Variants in NRG3 observed in about 807,000 individuals in gnomAD.
The protein encoded by NRG3 is pro-neuregulin-3, membrane-bound isoform.
In NRG3, 31 loss-of-function variants were observed where a neutral mutation model predicts 66.9. The ratio of observed to expected loss-of-function variants is 0.46; its 90% CI spans 0.35 to 0.63. The LOEUF is 0.63. NRG3 is among the 20% of genes least tolerant of loss of function. NRG3 has a pLI of 0.00. For synonymous variants in NRG3, 393 were observed against 359.4 expected (o/e 1.09, Z -1.06); for missense variants, 910 against 878.9 (o/e 1.04, Z -0.45).
At chr10:82,312,287 T>A (rs1348319919) in intron 1 of NRG3, among the ~76,000 whole-genome samples, 1 of 152,172 alleles carries the variant, frequency 6.6e-6, no homozygotes, top group East Asian at 1.9e-4. Context: ...AAGAGGCCAT[T>A]GAAGGCATAC....
intron 1 of NRG3, among the ~76,000 whole-genome samples, chr10:82,290,232 A>G (rs2079647683): frequency 6.6e-6 from 1 of 152,190 alleles, no homozygotes; most frequent in Non-Finnish European, 1.5e-5. Context: ...GGTCAGCCTG[A>G]AGCCTCACTG....
chr10:82,449,228 T>C (rs1268913913), intron 2 of NRG3, among the ~76,000 whole-genome samples: 3 of 152,106 alleles, frequency 2.0e-5, no homozygotes, highest in African/African-American at 7.2e-5. Flanking sequence ...TCCCTGGTAG[T>C]AGAGGAAGTT....
intron 1 of NRG3, among the ~76,000 whole-genome samples, chr10:82,133,016 TTCA>T (rs1018893858): frequency 6.6e-6 from 1 of 152,026 alleles, no homozygotes; most frequent in African/African-American, 2.4e-5. Flanking sequence ...AAAAATCAAC[TTCA>T]TTTTGTTGAT....
chr10:82,404,038 TA>T (rs149220528), intron 2 of NRG3, among the ~76,000 whole-genome samples: 4,252 of 152,294 alleles, frequency 0.028, 88 homozygotes, highest in South Asian at 0.047. Flanking sequence ...ATTGGAATTA[TA>T]CTAACTTCTA....
At position 82,775,344 on chromosome 10, in the gene NRG3, T is replaced by C. The variant is rs190349840; in HGVS notation, c.1027+36694T>C. Among the ~76,000 whole-genome samples the C allele has an allele frequency of 3.7e-4, 57 of 152,228 alleles. No individual in the cohort carries two copies. The East Asian group carries it at 0.011, about 29-fold the overall frequency. ...GACTCAATAATTTTTTGTTAAATTC[T>C]CTTTTGATTTGTTCTTTGACCAATT... On this transcript the variant is annotated intron_variant, in intron 3 of 8. Transcript: ENST00000372141.
At chr10:82,329,295 A>T (rs1422735203) in intron 1 of NRG3, among the ~76,000 whole-genome samples, 1 of 152,108 alleles carries the variant, frequency 6.6e-6, no homozygotes, top group East Asian at 1.9e-4. Flanking sequence ...TCTTTTATAA[A>T]AATCTCACTT....
At chr10:82,196,248 G>A (rs2074441196) in intron 1 of NRG3, among the ~76,000 whole-genome samples, 1 of 152,170 alleles carries the variant, frequency 6.6e-6, no homozygotes, top group Non-Finnish European at 1.5e-5. Context: ...ATAGATGACA[G>A]TTTTTAAACA....
intron 1 of NRG3, among the ~76,000 whole-genome samples, chr10:82,109,039 G>T (rs554037753): frequency 1.3e-5 from 2 of 152,274 alleles, no homozygotes; most frequent in Admixed American, 1.3e-4. Context: ...ATTCACCAGG[G>T]TATACCTAGG....
intron 2 of NRG3, among the ~76,000 whole-genome samples, chr10:82,454,612 A>T (rs1038586582): frequency 4.6e-5 from 7 of 152,164 alleles, no homozygotes; most frequent in South Asian, 4.1e-4. Flanking sequence ...AGATAAAAAA[A>T]GTTAGTTCTT....
chr10:82,737,467 A>G (rs1348483673), intron 2 of NRG3, among the ~76,000 whole-genome samples: 1 of 152,210 alleles, frequency 6.6e-6, no homozygotes. Flanking sequence ...CTCTTGACAG[A>G]ACGGCCTCTT....
intron 2 of NRG3, among the ~76,000 whole-genome samples, chr10:82,613,660 T>C (rs1377881534): frequency 6.6e-6 from 1 of 151,858 alleles, no homozygotes; most frequent in African/African-American, 2.4e-5. Flanking sequence ...AAACATATTT[T>C]AAAGTGCCAT....
rs186839677 is a variant in NRG3, at chr10:82,479,893, G to A, written c.953+121025G>A. Among the ~76,000 whole-genome samples the A allele has an allele frequency of 2.5e-3, 385 of 152,272 alleles. 2 individuals carry two copies. Among genetic ancestry groups the A allele is most frequent in the African/African-American group, 8.6e-3 (359 of 41,538 alleles). Reference sequence around the variant, plus strand: ...TGAGGCAGGAGAATGGCGTGAACCTGGAGCGCGGAGTTTGCAGTGAGCCGA... The same window carrying A: ...TGAGGCAGGAGAATGGCGTGAACCTAGAGCGCGGAGTTTGCAGTGAGCCGA... On this transcript the variant is annotated intron_variant, in intron 2 of 8. Coordinates refer to ENST00000372141, the MANE Select transcript of NRG3 (RefSeq NM_001010848.4).
At chr10:82,600,972 G>A (rs1021689896) in intron 2 of NRG3, among the ~76,000 whole-genome samples, 3 of 151,982 alleles carry the variant, frequency 2.0e-5, no homozygotes, top group African/African-American at 7.2e-5. Context: ...AGTCTCCAGT[G>A]TCTGTTGTTC....
At chr10:82,751,160 T>C (rs755465738) in intron 3 of NRG3, among the ~76,000 whole-genome samples, 4 of 152,162 alleles carry the variant, frequency 2.6e-5, no homozygotes, top group Non-Finnish European at 4.4e-5. Context: ...TCTCTCCTTA[T>C]GAATAAGCTG....
intron 3 of NRG3, among the ~76,000 whole-genome samples, chr10:82,785,315 T>G (rs1470777406): frequency 6.6e-6 from 1 of 151,664 alleles, no homozygotes; most frequent in Non-Finnish European, 1.5e-5. Flanking sequence ...GTAACTAACC[T>G]GCACATTGTG....
chr10:82,738,712 G>A, intron 3 of NRG3, 62 bp downstream of exon 3: 1 of 1,361,040 alleles, frequency 7.3e-7, no homozygotes, highest in Non-Finnish European at 1.1e-6. Flanking sequence ...TCTGAGCAAT[G>A]GTTGTTAACT....
intron 1 of NRG3, among the ~76,000 whole-genome samples, chr10:81,946,857 C>T (rs977993119): frequency 3.9e-5 from 6 of 152,302 alleles, no homozygotes; most frequent in East Asian, 3.9e-4. Context: ...ATATAAACCA[C>T]GGGCTCTTGC....
intron 4 of NRG3, among the ~76,000 whole-genome samples, chr10:82,867,171 T>C (rs1354522941): frequency 6.6e-6 from 1 of 152,196 alleles, no homozygotes; most frequent in East Asian, 1.9e-4. Context: ...CCAAGGTAGA[T>C]GTATTTCCTG....
intron 1 of NRG3, among the ~76,000 whole-genome samples, chr10:82,125,160 T>A (rs2068354091): frequency 6.6e-6 from 1 of 152,020 alleles, no homozygotes; most frequent in Non-Finnish European, 1.5e-5. Context: ...CTGTCATCAT[T>A]TTCATTTAGA....
Sources: allele counts gnomAD v4.1 joint callset (sites outside exome capture counted in the v4.1 genomes callset), GRCh38; gene constraint gnomAD v4.1.1; transcripts MANE v1.5; gene names NCBI Gene and HGNC (gene_info 2026-07-23, HGNC 2026-07-21).